The following KANSL1L variants were observed in gnomAD, a reference collection of about 807,000 sequenced individuals.
The protein encoded by KANSL1L is KAT8 regulatory NSL complex subunit 1 like.
KANSL1L carries 25 observed loss-of-function variants against 108.6 expected under a neutral mutation model. The observed-to-expected ratio is 0.23, with a 90% CI of 0.17 to 0.32. The LOEUF (loss-of-function observed/expected upper bound fraction) is 0.32, where lower values mean the gene tolerates loss of function less well. Among genes scored for constraint, KANSL1L ranks in the 10% least tolerant of loss-of-function variants. The pLI, the probability that KANSL1L is intolerant of heterozygous loss-of-function variation, is 1.00. For synonymous variants in KANSL1L, 405 were observed against 395.1 expected, an observed-to-expected ratio of 1.03 and a Z score of -0.30; for missense variants, 1,137 against 1,125.7, an observed-to-expected ratio of 1.01 and a Z score of -0.14.
At chr2:210,166,293 T>A (rs1687956726) in intron 1 of KANSL1L, among the ~76,000 whole-genome samples, 1 of 152,148 alleles carries the variant, frequency 6.6e-6, no homozygotes, top group African/African-American at 2.4e-5. Flanking sequence ...AAGGTGCATG[T>A]ACACAGTGAG....
At chr2:210,096,211 T>C (rs926892114) in intron 5 of KANSL1L, among the ~76,000 whole-genome samples, 51 of 152,296 alleles carry the variant, frequency 3.3e-4, no homozygotes, top group African/African-American at 1.2e-3. Context: ...TGGCCAATTT[T>C]CCATTTCTTT....
At position 210,153,917 on chromosome 2, in the gene KANSL1L, A is replaced by G; in HGVS notation, c.666T>C (p.Ala222=). The part of the protein sequence containing the change: ...SAAEKEEEVH[A]RLLHCVSKQK... ...GTTTGCTTACACAATGAAGTAAACGAGCATGTACTTCCTCCTCTTTTTCAG... is the reference window on the plus strand; with the variant it reads ...GTTTGCTTACACAATGAAGTAAACGGGCATGTACTTCCTCCTCTTTTTCAG... The change falls in exon 2 of 15, where the codon GCT becomes GCC. Residue 222 remains alanine (A), a synonymous_variant. Transcript: ENST00000281772. 1.2e-6 allele frequency: 2 copies of G among 1,613,576 alleles called. No homozygotes were observed. Among genetic ancestry groups the G allele is most frequent in the Non-Finnish European group, 1.7e-6 (2 of 1,179,948 alleles).
At position 210,154,550 on chromosome 2, in the gene KANSL1L, C is replaced by T. The variant is rs763056609; in HGVS notation, c.33G>A (p.Lys11=). MTPALREATA[K]GISFSSLPST... ...TTGGCAAAGATGAAAAGCTGATACC[C>T]TTTGCTGTTGCCTCCCTCAGAGCTG... Residue 11 remains lysine, a synonymous_variant, in exon 2 of 15, where the codon AAG becomes AAA. Coordinates refer to ENST00000281772, the MANE Select transcript of KANSL1L (RefSeq NM_152519.4). 15 of 1,550,772 alleles carry T rather than the reference C, an allele frequency of 9.7e-6. No homozygotes were observed. The highest frequency in any genetic ancestry group is 1.1e-5 in the Non-Finnish European group (13 of 1,148,372).
intron 5 of KANSL1L, among the ~76,000 whole-genome samples, chr2:210,081,675 T>C (rs982405416): frequency 3.3e-5 from 5 of 152,202 alleles, no homozygotes; most frequent in Admixed American, 3.3e-4. Context: ...CATGATTATT[T>C]GTTGAGGGAA....
chr2:210,056,400 C>A (rs2094350870), intron 6 of KANSL1L, among the ~76,000 whole-genome samples: 1 of 152,206 alleles, frequency 6.6e-6, no homozygotes, highest in South Asian at 2.1e-4. Context: ...ATCACTGATT[C>A]CCTGATGTTG....
At chr2:210,105,350 A>AAT (rs761618984) in intron 3 of KANSL1L, among the ~76,000 whole-genome samples, 13 of 146,354 alleles carry the variant, frequency 8.9e-5, no homozygotes, top group African/African-American at 1.3e-4. Context: ...TACATATATA[A>AAT]ATATATATAT....
Position 210,044,801 on chromosome 2 carries a change from G to A in KANSL1L, c.1756-697C>T, listed in dbSNP as rs918669709. 2.0e-5 allele frequency among the ~76,000 whole-genome samples: 3 copies of A among 151,696 alleles called. No individual in the cohort carries two copies. The highest frequency in any genetic ancestry group is 1.9e-4 in the East Asian group (1 of 5,180). On this transcript the variant is annotated intron_variant, in intron 6 of 14. Coordinates refer to ENST00000281772, the MANE Select transcript of KANSL1L (RefSeq NM_152519.4). The surrounding 1 kb of genome is among the most constrained non-coding windows in gnomAD (Gnocchi z 4.2). ...TATTTTATTTTTTTGAGACAGTCTC[G>A]CTCTGTTGCTCAGACTAGAGTGCAG...
At chr2:210,077,098 G>T (rs1340126062) in intron 5 of KANSL1L, among the ~76,000 whole-genome samples, 1 of 152,088 alleles carries the variant, frequency 6.6e-6, no homozygotes, top group East Asian at 1.9e-4. Flanking sequence ...ATAGTAATAA[G>T]AAACCAGAAA....
chr2:210,024,260 A>AT, intron 13 of KANSL1L, 59 bp from the exon 14 acceptor site: 1 of 1,372,976 alleles, frequency 7.3e-7, no homozygotes. Context: ...TTGAAAATTT[A>AT]TGAACAACCC....
chr2:210,091,194 C>A (rs932078253), intron 5 of KANSL1L, among the ~76,000 whole-genome samples: 3 of 152,068 alleles, frequency 2.0e-5, no homozygotes, highest in Admixed American at 6.5e-5. Context: ...AGATTTAATT[C>A]TTTTTGTTTC....
intron 8 of KANSL1L, among the ~76,000 whole-genome samples, chr2:210,035,844 T>C (rs2094095362): frequency 6.6e-6 from 1 of 152,228 alleles, no homozygotes; most frequent in Non-Finnish European, 1.5e-5. Context: ...ATGTTTGTTT[T>C]TGTTATTTAA....
At chr2:210,138,624 CA>C (rs1416783653) in intron 2 of KANSL1L, among the ~76,000 whole-genome samples, 2 of 152,018 alleles carry the variant, frequency 1.3e-5, no homozygotes, top group African/African-American at 2.4e-5. Context: ...ATTCAAATGA[CA>C]AAAATATTAC....
At chr2:210,096,410 G>C in intron 5 of KANSL1L, 7 of 786,150 alleles carry the variant, frequency 8.9e-6, no homozygotes, top group Non-Finnish European at 1.1e-5. Context: ...TGTGTCCCTA[G>C]GACTTGACTA....
intron 6 of KANSL1L, among the ~76,000 whole-genome samples, chr2:210,062,360 G>A (rs1406996471): frequency 1.3e-5 from 2 of 152,188 alleles, no homozygotes; most frequent in Non-Finnish European, 2.9e-5. Flanking sequence ...CCAGTCTCGG[G>A]TATGTCTTTA....
At chr2:210,107,644 T>C (rs1559562015) in intron 3 of KANSL1L, among the ~76,000 whole-genome samples, 1 of 151,856 alleles carries the variant, frequency 6.6e-6, no homozygotes, top group Non-Finnish European at 1.5e-5. Flanking sequence ...TTCTCCTGCC[T>C]CAGCCTTCCG....
At position 210,022,938 on chromosome 2, in the gene KANSL1L, C is replaced by T. The variant is rs150622688; in HGVS notation, c.*11G>A. 688 of 1,574,968 alleles carry T rather than the reference C, an allele frequency of 4.4e-4. 7 individuals are homozygous for T. The East Asian group carries it at 0.015, about 34-fold the overall frequency. On this transcript the variant is annotated 3_prime_UTR_variant, in exon 15 of 15. Transcript: ENST00000281772. ...TCCTACATTTACATAGTTTTCTTAA[C>T]CTGTTCCCTGTCACCTATTTTTTTT...
Position 210,171,263 on chromosome 2 carries a change from C to G in KANSL1L, c.-144G>C, listed in dbSNP as rs1439333202. The G allele has an allele frequency of 2.3e-5, 4 of 174,494 alleles. No individual in the cohort carries two copies. Among genetic ancestry groups the G allele is most frequent in the Non-Finnish European group, 4.6e-5 (4 of 86,858 alleles). The allele number at this position is 174,494 out of a possible 1,614,324, so 10.8% of individuals were successfully genotyped here. On this transcript the variant is annotated 5_prime_UTR_variant, in exon 1 of 15. Coordinates refer to ENST00000281772, the MANE Select transcript of KANSL1L (RefSeq NM_152519.4). Reference sequence around the variant, plus strand: ...CCTCCCCCACCCGGGGCGCCGCTGACTCGTCTCCAGAGCGCGCCCCGCTCC... The same window carrying G: ...CCTCCCCCACCCGGGGCGCCGCTGAGTCGTCTCCAGAGCGCGCCCCGCTCC...
intron 5 of KANSL1L, among the ~76,000 whole-genome samples, chr2:210,092,020 A>G (rs1194247741): frequency 6.6e-6 from 1 of 152,170 alleles, no homozygotes; most frequent in Non-Finnish European, 1.5e-5. Context: ...ATTACTATTG[A>G]GAAGTCAGCT....
In KANSL1L at chr2:210,040,420, C is replaced by T. The variant is rs1318671556; in HGVS notation, c.2029G>A (p.Val677Ile). ...VDEYIISPSP[V>I]HSTLNQWRNG... The stretch of plus-strand genomic sequence containing the variant: ...TACAAGAACTGTAAATGTGACATAC[C>T]AGGTGATGGAGATATGATATATTCA... The change falls in exon 8 of 15, where the codon GTA (valine) becomes ATA (isoleucine). Residue 677 changes from valine (V) to isoleucine (I), a missense_variant and splice_region_variant. Physicochemically the swap from Val to Ile is conservative, Grantham distance 29. Coordinates refer to ENST00000281772, the MANE Select transcript of KANSL1L (RefSeq NM_152519.4). 7.6e-7 allele frequency: 1 copy of T among 1,312,478 alleles called. No homozygotes were observed. The highest frequency in any genetic ancestry group is 1.1e-6 in the Non-Finnish European group (1 of 908,072). The allele number at this position is 1,312,478 out of a possible 1,614,324, so 81.3% of individuals were successfully genotyped here.
Sources: gnomAD v4.1 joint callset for allele counts (sites outside exome capture counted in the v4.1 genomes callset) on GRCh38, gnomAD v4.1.1 for gene constraint, Gnocchi (gnomAD v3.1) non-coding constraint, MANE v1.5 for transcripts, NCBI Gene and HGNC (gene_info 2026-07-23, HGNC 2026-07-21) for gene names.